Variants in S100Z observed in about 807,000 individuals in gnomAD.
S100Z encodes the protein protein S100-Z.
Under a neutral mutation model 8.5 loss-of-function variants are expected in S100Z, and 11 were observed. The observed-to-expected ratio is 1.30, with a 90% CI of 0.82 to 2.15. S100Z has a LOEUF of 2.15. Among genes scored for constraint, S100Z ranks in the 30% most tolerant of loss-of-function variants. The pLI is 0.00. For missense variants in S100Z, 126 were observed against 117.9 expected, an observed-to-expected ratio of 1.07 and a Z score of -0.32; for synonymous variants, 34 against 43.8, an observed-to-expected ratio of 0.78 and a Z score of 0.89.
At chr5:76,924,061 A>G (rs1488670757), downstream of S100Z, among the ~76,000 whole-genome samples, 1 of 152,236 alleles carries the variant, frequency 6.6e-6, no homozygotes, top group Non-Finnish European at 1.5e-5. Flanking sequence ...ATCGCTAAGC[A>G]GAAAAGATTA....
At chr5:76,941,921 T>C in the S100Z span, among the ~76,000 whole-genome samples, 1 of 141,780 alleles carries the variant, frequency 7.1e-6, no homozygotes, top group Non-Finnish European at 1.5e-5. Context: ...TGTAGAAATT[T>C]ATTTTATTCA....
At position 76,914,670 on chromosome 5, in the gene S100Z, A is replaced by T. The variant is rs115955981; in HGVS notation, c.*3-6047A>T. Among the ~76,000 whole-genome samples the T allele has an allele frequency of 2.9e-3, 441 of 152,240 alleles. 3 individuals are homozygous for T. Among genetic ancestry groups the T allele is most frequent in the African/African-American group, 9.8e-3 (406 of 41,532 alleles). ...TGAGACCATGGACCCACCAGGAGGA[A>T]AAAGCAACTCCAGACGTGCCACCTT... On this transcript the variant is annotated intron_variant, in intron 4 of 4. Coordinates refer to ENST00000317593, the MANE Select transcript of S100Z (RefSeq NM_130772.4).
chr5:76,905,668 TC>T (rs967705729), intron 4 of S100Z, among the ~76,000 whole-genome samples: 6 of 152,180 alleles, frequency 3.9e-5, no homozygotes, highest in Non-Finnish European at 7.3e-5. Context: ...TACCTCGGCT[TC>T]CCAAGGTGCT....
At chr5:76,918,711 G>A (rs959435708) in intron 4 of S100Z, among the ~76,000 whole-genome samples, 1 of 152,150 alleles carries the variant, frequency 6.6e-6, no homozygotes, top group African/African-American at 2.4e-5. Flanking sequence ...CCCAGTGTCT[G>A]TAGTTTACAC....
intron 4 of S100Z, among the ~76,000 whole-genome samples, chr5:76,906,989 T>TATATATATATATATATATATAC (rs1744466077): frequency 7.7e-5 from 1 of 12,912 alleles, no homozygotes; most frequent in Non-Finnish European, 1.6e-4. Flanking sequence ...TATATATATA[T>TATATATATATATATATATATAC]ATATATATAT....
rs1751129464 is a variant in S100Z at position 76,863,565 on chromosome 5, G to T, written c.-175-6601G>T. 2.0e-5 allele frequency among the ~76,000 whole-genome samples: 3 copies of T among 152,068 alleles called. No individual in the cohort carries two copies. In the South Asian group the frequency reaches 6.2e-4, roughly 31 times the overall value. On this transcript the variant is annotated intron_variant, in intron 1 of 4. Transcript: ENST00000317593. ...TATTTTATTTATTTTTTGAGGCAGA[G>T]TCTCACTCTGTTGCCCAGGCTGGAG...
chr5:76,907,267 C>G (rs1245576493), intron 4 of S100Z, among the ~76,000 whole-genome samples: 1 of 151,718 alleles, frequency 6.6e-6, no homozygotes, highest in Non-Finnish European at 1.5e-5. Flanking sequence ...CTATCCTTTC[C>G]TGATACCATA....
At chr5:76,938,576 A>G in the S100Z span, among the ~76,000 whole-genome samples, 1 of 152,210 alleles carries the variant, frequency 6.6e-6, no homozygotes, top group Non-Finnish European at 1.5e-5. Flanking sequence ...ATGAACAGAA[A>G]TGTTTAATGT....
At chr5:76,932,991 G>C in the S100Z span, among the ~76,000 whole-genome samples, 480 of 152,332 alleles carry the variant, frequency 3.2e-3, 2 homozygotes, top group Middle Eastern at 0.01. Context: ...GGAAAACAAA[G>C]AGGTACTTTT....
At chr5:76,950,875 C>T in the S100Z span, among the ~76,000 whole-genome samples, 4 of 152,198 alleles carry the variant, frequency 2.6e-5, no homozygotes, top group Non-Finnish European at 5.9e-5. Context: ...AATTTTTCTT[C>T]GGCCTAATCC....
At chr5:76,858,149 C>T (rs1208238438) in intron 1 of S100Z, among the ~76,000 whole-genome samples, 1 of 152,274 alleles carries the variant, frequency 6.6e-6, no homozygotes, top group Non-Finnish European at 1.5e-5. Context: ...CAAGGGATTC[C>T]ACCACACTCA....
chr5:76,902,400 C>T (rs2150671360), intron 4 of S100Z, among the ~76,000 whole-genome samples: 1 of 152,320 alleles, frequency 6.6e-6, no homozygotes, highest in African/African-American at 2.4e-5. Flanking sequence ...TCTAACAGGA[C>T]AGCACTGAGT....
At chr5:76,861,244 C>T (rs1338687400) in intron 1 of S100Z, among the ~76,000 whole-genome samples, 3 of 152,126 alleles carry the variant, frequency 2.0e-5, no homozygotes, top group Non-Finnish European at 4.4e-5. Flanking sequence ...GTCCTTTGTC[C>T]TGTAGATCTC....
At chr5:76,855,582 T>C (rs1359909035) in intron 1 of S100Z, among the ~76,000 whole-genome samples, 1 of 152,198 alleles carries the variant, frequency 6.6e-6, no homozygotes, top group Non-Finnish European at 1.5e-5. Flanking sequence ...GATTTCTCCC[T>C]TTTGGAACAG....
At chr5:76,919,393 T>C (rs1744962204) in intron 4 of S100Z, among the ~76,000 whole-genome samples, 1 of 152,222 alleles carries the variant, frequency 6.6e-6, no homozygotes, top group African/African-American at 2.4e-5. Flanking sequence ...CTAATAAGTA[T>C]GCAGCTGTAT....
At chr5:76,909,061 G>A (rs560759639) in intron 4 of S100Z, among the ~76,000 whole-genome samples, 2 of 152,234 alleles carry the variant, frequency 1.3e-5, no homozygotes, top group East Asian at 1.9e-4. Context: ...CAACTATTCC[G>A]ATCAGCAGGG....
intron 4 of S100Z, among the ~76,000 whole-genome samples, chr5:76,890,197 T>C (rs933491171): frequency 5.3e-5 from 8 of 152,114 alleles, no homozygotes; most frequent in Non-Finnish European, 1.2e-4. Context: ...CTAATTTTTA[T>C]ATTTTTAGTA....
chr5:76,874,945 C>T (rs1016728175), intron 2 of S100Z, among the ~76,000 whole-genome samples: 1 of 151,930 alleles, frequency 6.6e-6, no homozygotes, highest in Non-Finnish European at 1.5e-5. Flanking sequence ...AGTGCAGTGG[C>T]GCGATCTCGG....
At chr5:76,904,435 C>T (rs548378648) in intron 4 of S100Z, among the ~76,000 whole-genome samples, 8 of 152,240 alleles carry the variant, frequency 5.3e-5, no homozygotes, top group African/African-American at 1.9e-4. Flanking sequence ...CACCCGCCAT[C>T]ATGCCTGGCT....
Sources: gnomAD v4.1 joint callset for allele counts (sites outside exome capture counted in the v4.1 genomes callset) on GRCh38, gnomAD v4.1.1 for gene constraint, MANE v1.5 for transcripts, NCBI Gene and HGNC (gene_info 2026-07-23, HGNC 2026-07-21) for gene names.